ABAT: variants seen among roughly 807,000 people sequenced by gnomAD.
ABAT encodes 4-aminobutyrate aminotransferase.
A neutral mutation model predicts 64.6 loss-of-function variants in ABAT; 45 were observed. That is an observed-to-expected ratio of 0.70 (90% CI 0.55 to 0.89). The LOEUF (loss-of-function observed/expected upper bound fraction) is 0.89, where lower values mean the gene tolerates loss of function less well. ABAT is among the 40% of genes least tolerant of loss of function. ABAT has a pLI of 0.00. For missense variants in ABAT, 633 were observed against 658.4 expected (o/e 0.96, Z 0.42); for synonymous variants, 297 against 250.5 (o/e 1.19, Z -1.75).
intron 8 of ABAT, 135 bp from the exon 9 acceptor site, chr16:8,766,073 A>C (rs2059933973): frequency 1.8e-5 from 15 of 812,332 alleles, no homozygotes; most frequent in Non-Finnish European, 3.1e-5. Context: ...ACAGACCTGC[A>C]ACAATTAATA....
intron 5 of ABAT, 152 bp from the exon 6 acceptor site, chr16:8,757,605 G>A: frequency 1.2e-6 from 1 of 861,296 alleles, no homozygotes; most frequent in Non-Finnish European, 1.9e-6. Flanking sequence ...GGGGCCCCAG[G>A]AATCTCTTTT....
intron 6 of ABAT, among the ~76,000 whole-genome samples, chr16:8,759,505 C>T (rs117220782): frequency 0.014 from 2,199 of 151,720 alleles, 29 homozygotes; most frequent in Non-Finnish European, 0.02. Context: ...TGTATTTCTC[C>T]AGTTTTGTTT....
chr16:8,754,697 TCTTTCTTTCTTTCTTTCTTTCTTTC>T (rs1405695651), intron 5 of ABAT, among the ~76,000 whole-genome samples: 1 of 145,546 alleles, frequency 6.9e-6, no homozygotes, highest in African/African-American at 2.6e-5. Flanking sequence ...TTTCTTTCTT[TCTTTCTTTCTTTCTTTCTTTCTTTC>T]TTTTTTTTTT....
At chr16:8,778,927 G>T (rs927026384) in intron 14 of ABAT, among the ~76,000 whole-genome samples, 2 of 152,186 alleles carry the variant, frequency 1.3e-5, no homozygotes, top group Non-Finnish European at 2.9e-5. Flanking sequence ...CATGAATTTA[G>T]GGGGCAGTGG....
At position 8,783,436 on chromosome 16, in the gene ABAT, T is replaced by G. The variant is rs2060483634; in HGVS notation, c.*2006T>G. On this transcript the variant is annotated 3_prime_UTR_variant, in exon 16 of 16. Transcript: ENST00000268251. ...ATTCACCCAAGGGTCAGAGGAGGTT[T>G]CAAAGAAAAGGTGTCATTGGAGCAG... The G allele has an allele frequency of 6.6e-6, 1 of 152,048 alleles. No homozygotes were observed. The highest frequency in any genetic ancestry group is 1.5e-5 in the Non-Finnish European group (1 of 68,008). The allele number at this position is 152,048 out of a possible 1,614,324, so 9.4% of individuals were successfully genotyped here.
Position 8,781,170 on chromosome 16 carries a change from G to C in ABAT, c.1382-139G>C. ...TGGGTGGGTGGTAGGAAGGAAGCCC[G>C]GGCTTCCATGATGGAGGATGATGGA... On this transcript the variant is annotated intron_variant, in intron 15 of 15. Coordinates refer to ENST00000268251, the MANE Select transcript of ABAT (RefSeq NM_020686.6). This position sits in a 1 kb window ranked among gnomAD's most constrained non-coding sequence, Gnocchi z 4.5. The C allele has an allele frequency of 7.2e-7, 1 of 1,383,578 alleles. No individual in the cohort carries two copies. The highest frequency in any genetic ancestry group is 1.0e-6 in the Non-Finnish European group (1 of 980,302). 85.7% of individuals were successfully genotyped at this position (1,383,578 alleles called of 1,614,324 possible).
chr16:8,681,734 C>T lies in ABAT; in HGVS notation c.-42+7023C>T, dbSNP rs147854646. Among the ~76,000 whole-genome samples the T allele has an allele frequency of 3.6e-3, 548 of 151,320 alleles. 4 individuals are homozygous for T. Among genetic ancestry groups the T allele is most frequent in the South Asian group, 6.5e-3 (31 of 4,784 alleles). On this transcript the variant is annotated intron_variant, in intron 1 of 15. Transcript: ENST00000268251. Reference sequence around the variant, plus strand: ...TCAGCTCACTGCAACTTCTGCCTCCCGGGTTCAAGCGATTCTCCTGCCTCA... The same window carrying T: ...TCAGCTCACTGCAACTTCTGCCTCCTGGGTTCAAGCGATTCTCCTGCCTCA...
intron 11 of ABAT, among the ~76,000 whole-genome samples, chr16:8,769,957 G>T (rs566845988): frequency 2.0e-5 from 3 of 152,214 alleles, no homozygotes; most frequent in South Asian, 2.1e-4. Flanking sequence ...GTCAAGCAAG[G>T]TGCTAGGTGC....
At chr16:8,726,666 T>A (rs544782743) in intron 1 of ABAT, among the ~76,000 whole-genome samples, 2 of 152,230 alleles carry the variant, frequency 1.3e-5, no homozygotes, top group Non-Finnish European at 2.9e-5. Flanking sequence ...AGTGCAGATA[T>A]CTCTTCGATA....
At chr16:8,775,949 T>C (rs928852182) in intron 13 of ABAT, among the ~76,000 whole-genome samples, 6 of 152,174 alleles carry the variant, frequency 3.9e-5, no homozygotes, top group Non-Finnish European at 8.8e-5. Context: ...ACTCCATCTG[T>C]AAGTCACGTT....
Position 8,783,714 on chromosome 16 carries a change from A to C in ABAT, c.*2284A>C, listed in dbSNP as rs984367608. 26 of 152,202 alleles carry C rather than the reference A, an allele frequency of 1.7e-4. No individual in the cohort carries two copies. The highest frequency in any genetic ancestry group is 3.3e-4 in the Admixed American group (5 of 15,276). The allele number at this position is 152,202 out of a possible 1,614,324, so 9.4% of individuals were successfully genotyped here. ...GAAAACTTTAGCATTGGGTGCAAATATTCAGTATGGTTCTCGGAGTCCAAA... is the reference window on the plus strand; with the variant it reads ...GAAAACTTTAGCATTGGGTGCAAATCTTCAGTATGGTTCTCGGAGTCCAAA... On this transcript the variant is annotated 3_prime_UTR_variant, in exon 16 of 16. Transcript: ENST00000268251.
rs942005011 is a variant in ABAT at position 8,764,327 on chromosome 16, T to C, written c.447+178T>C. 4.6e-5 allele frequency among the ~76,000 whole-genome samples: 7 copies of C among 152,216 alleles called. No homozygotes were observed. Among genetic ancestry groups the C allele is most frequent in the Non-Finnish European group, 1.0e-4 (7 of 68,038 alleles). ...TTTAAAGGACAGAAGGGATTCTTTG[T>C]GTGCAGGACAAAAGGAGCTGGGGAA... is the stretch of plus-strand genomic sequence containing the variant. On this transcript the variant is annotated intron_variant, in intron 7 of 15. Coordinates refer to ENST00000268251, the MANE Select transcript of ABAT (RefSeq NM_020686.6). The surrounding 1 kb of genome is among the most constrained non-coding windows in gnomAD (Gnocchi z 4.2).
At chr16:8,751,573 T>G (rs2059484749) in intron 5 of ABAT, among the ~76,000 whole-genome samples, 1 of 152,216 alleles carries the variant, frequency 6.6e-6, no homozygotes, top group Non-Finnish European at 1.5e-5. Context: ...GGTCTCAGAC[T>G]GAAGCAAAGG....
intron 2 of ABAT, among the ~76,000 whole-genome samples, chr16:8,738,166 C>A (rs1031172640): frequency 6.6e-6 from 1 of 151,328 alleles, no homozygotes; most frequent in African/African-American, 2.4e-5. Flanking sequence ...GTGAAAAATA[C>A]AAAACTTAGC....
At chr16:8,738,545 G>C (rs1003282220) in intron 2 of ABAT, 17 of 423,948 alleles carry the variant, frequency 4.0e-5, no homozygotes, top group African/African-American at 2.9e-4. Context: ...TCTCGACCTG[G>C]GTGGTTTTAA....
At chr16:8,736,840 C>G (rs568518454) in intron 2 of ABAT, 2 of 152,400 alleles carry the variant, frequency 1.3e-5, no homozygotes, top group African/African-American at 4.8e-5. Flanking sequence ...GCTAACTACT[C>G]CTCCGTGTGC....
In ABAT at chr16:8,764,809, G is replaced by A. The variant is rs1279208700; in HGVS notation, c.519G>A (p.Lys173=). 1.2e-6 allele frequency: 2 copies of A among 1,613,732 alleles called. No homozygotes were observed. Among genetic ancestry groups the A allele is most frequent in the African/African-American group, 1.3e-5 (1 of 74,798 alleles). The change falls in exon 8 of 16, where the codon AAG becomes AAA. Residue 173 remains lysine, a synonymous_variant. Transcript: ENST00000268251. This position sits in a 1 kb window ranked among gnomAD's most constrained non-coding sequence, Gnocchi z 4.2. Reference sequence around the variant, plus strand: ...CCTGCTCCAATGAAAACGCCTTAAAGACCATCTTCATGTGGTACCGGGTGA... The same window carrying A: ...CCTGCTCCAATGAAAACGCCTTAAAAACCATCTTCATGTGGTACCGGGTGA... ...CGSCSNENAL[K]TIFMWYRSKE...
chr16:8,779,718 C>G, intron 15 of ABAT, 128 bp downstream of exon 15: 4 of 735,110 alleles, frequency 5.4e-6, no homozygotes, highest in South Asian at 4.4e-5. Context: ...CTGAAAAGAG[C>G]CTGAATGCTC....
chr16:8,768,271 T>C lies in ABAT; in HGVS notation c.667+15T>C, dbSNP rs753309345. On this transcript the variant is annotated intron_variant, in intron 10 of 15. Coordinates refer to ENST00000268251, the MANE Select transcript of ABAT (RefSeq NM_020686.6). ...GAGGACCATGGGTAAGGAGGGACCA[T>C]TGCGCTCCCAAGGTGGCGTTTAGAA... 2.0e-5 allele frequency: 33 copies of C among 1,613,362 alleles called. 1 individual carries two copies. Among genetic ancestry groups the C allele is most frequent in the South Asian group, 2.0e-4 (18 of 91,034 alleles).
Sources: gnomAD v4.1 joint callset for allele counts (sites outside exome capture counted in the v4.1 genomes callset) on GRCh38, gnomAD v4.1.1 for gene constraint, Gnocchi (gnomAD v3.1) non-coding constraint, MANE v1.5 for transcripts, NCBI Gene and HGNC (gene_info 2026-07-23, HGNC 2026-07-21) for gene names.